ARHGAP26: variants seen among roughly 807,000 people sequenced by gnomAD.
ARHGAP26 encodes rho GTPase-activating protein 26.
ARHGAP26 carries 38 observed loss-of-function variants against 104.8 expected under a neutral mutation model. That is an observed-to-expected ratio of 0.36 (90% CI 0.28 to 0.48). The LOEUF (loss-of-function observed/expected upper bound fraction) is 0.48, where lower values mean the gene tolerates loss of function less well. Ranked by LOEUF, ARHGAP26 falls within the 20% of genes least tolerant of loss-of-function variation. The pLI is 0.99. For missense variants in ARHGAP26, 704 were observed against 947.9 expected, an observed-to-expected ratio of 0.74 and a Z score of 3.38; for synonymous variants, 341 against 340.0, an observed-to-expected ratio of 1.00 and a Z score of -0.03.
At chr5:142,889,636 A>C (rs560169044) in intron 5 of ARHGAP26, among the ~76,000 whole-genome samples, 4 of 152,222 alleles carry the variant, frequency 2.6e-5, no homozygotes, top group Admixed American at 2.0e-4. Context: ...AATAGATAAG[A>C]GTTTAAATTG....
chr5:142,894,156 A>ATTTTTTTTTTTTTTTTTTT, intron 5 of ARHGAP26, 82 bp from the exon 6 acceptor site: 1 of 1,034,080 alleles, frequency 9.7e-7, no homozygotes. Context: ...ATCTCCCGAG[A>ATTTTTTTTTTTTTTTTTTT]TTTTTTTTTT....
chr5:143,047,656 A>T (rs1436379269), intron 14 of ARHGAP26, among the ~76,000 whole-genome samples: 1 of 152,162 alleles, frequency 6.6e-6, no homozygotes, highest in East Asian at 1.9e-4. Context: ...TAACATTTTT[A>T]AATGTATCTT....
chr5:142,844,114 C>T lies in ARHGAP26; in HGVS notation c.155-29286C>T, dbSNP rs185291028. On this transcript the variant is annotated intron_variant, in intron 1 of 22. Transcript: ENST00000645722. ...TTCCCCAGGCTAGAGTGTAGTGGCA[C>T]GATCTCGGCTCACTGCAACCTCCAC... Among the ~76,000 whole-genome samples, 894 of 148,764 alleles carry T rather than the reference C, an allele frequency of 6.0e-3. 6 individuals are homozygous for T. The highest frequency in any genetic ancestry group is 0.017 in the Middle Eastern group (5 of 292).
chr5:143,062,253 A>G (rs1786821294), intron 17 of ARHGAP26, among the ~76,000 whole-genome samples: 1 of 152,222 alleles, frequency 6.6e-6, no homozygotes, highest in Non-Finnish European at 1.5e-5. Context: ...GTGGGAGGTA[A>G]GAGAGGGTAA....
chr5:142,770,548 C>A lies in ARHGAP26; in HGVS notation c.-214C>A. On this transcript the variant is annotated 5_prime_UTR_variant, in exon 1 of 23. Transcript: ENST00000645722. ...CCTGCTCGCGATCCGCTCCGTTGCC[C>A]GCGCCCGGAACAGCAGCACCTCGGC... 4.7e-6 allele frequency: 1 copy of A among 214,228 alleles called. No homozygotes were observed. 13.3% of individuals were successfully genotyped at this position (214,228 alleles called of 1,614,324 possible).
At chr5:143,115,466 G>A (rs554079421) in intron 17 of ARHGAP26, among the ~76,000 whole-genome samples, 4 of 151,620 alleles carry the variant, frequency 2.6e-5, no homozygotes, top group African/African-American at 7.3e-5. Flanking sequence ...ATACAAATAG[G>A]TAGGGTACAG....
chr5:143,052,597 C>G (rs1785203660), intron 14 of ARHGAP26, among the ~76,000 whole-genome samples: 1 of 152,140 alleles, frequency 6.6e-6, no homozygotes, highest in Non-Finnish European at 1.5e-5. Flanking sequence ...CTTTGAGAGC[C>G]ACATGTTTCT....
At chr5:142,777,509 A>G (rs75087664) in intron 1 of ARHGAP26, among the ~76,000 whole-genome samples, 3,614 of 152,350 alleles carry the variant, frequency 0.024, 125 homozygotes, top group African/African-American at 0.069. Flanking sequence ...GTGGAGGAAT[A>G]CTAACCTAGC....
intron 12 of ARHGAP26, among the ~76,000 whole-genome samples, chr5:143,016,880 C>G (rs1053451872): frequency 2.0e-5 from 3 of 152,120 alleles, no homozygotes; most frequent in African/African-American, 7.2e-5. Flanking sequence ...TTAGCTTCCC[C>G]TCCTTGGTGG....
At chr5:143,147,436 C>A in intron 20 of ARHGAP26, 55 bp downstream of exon 20, 1 of 1,568,490 alleles carries the variant, frequency 6.4e-7, no homozygotes, top group South Asian at 1.2e-5. Context: ...GCCATTCCAC[C>A]TAGAATTTGC....
At chr5:143,188,634 G>A (rs1805481625) in intron 20 of ARHGAP26, among the ~76,000 whole-genome samples, 1 of 152,176 alleles carries the variant, frequency 6.6e-6, no homozygotes, top group African/African-American at 2.4e-5. Context: ...GGATGACATT[G>A]TGGAAAGTTT....
At chr5:143,004,379 C>A (rs1777648286) in intron 11 of ARHGAP26, among the ~76,000 whole-genome samples, 2 of 152,218 alleles carry the variant, frequency 1.3e-5, no homozygotes, top group Non-Finnish European at 2.9e-5. Context: ...CTTGACTCAA[C>A]TTCATCCAAA....
In ARHGAP26 at chr5:142,771,512, C is replaced by A. The variant is rs991812861; in HGVS notation, c.154+597C>A. On this transcript the variant is annotated intron_variant, in intron 1 of 22. Coordinates refer to ENST00000645722, the MANE Select transcript of ARHGAP26 (RefSeq NM_001135608.3). ...GTAATCTCTAAATCTGGAATCAGTA[C>A]GTGCGCAGGTTCTGATTCTTGTGTT... 9 of 902,842 alleles carry A rather than the reference C, an allele frequency of 1.0e-5. No homozygotes were observed. The Admixed American group carries it at 2.6e-4, about 26-fold the overall frequency. 55.9% of individuals were successfully genotyped at this position (902,842 alleles called of 1,614,324 possible). A position where few individuals can be genotyped will look rare whatever the true frequency, so the allele number is the denominator to read the frequency against.
At chr5:143,054,348 A>G in intron 14 of ARHGAP26, 91 bp from the exon 15 acceptor site, 1 of 748,546 alleles carries the variant, frequency 1.3e-6, no homozygotes. Flanking sequence ...GCATTTCTCT[A>G]GTTACTAGCA....
intron 11 of ARHGAP26, among the ~76,000 whole-genome samples, chr5:142,973,355 C>G (rs986459979): frequency 9.2e-5 from 14 of 152,280 alleles, no homozygotes; most frequent in Admixed American, 7.8e-4. Context: ...AGCACTGTGA[C>G]AGTAGCGACA....
chr5:143,088,937 A>G (rs1791008029), intron 17 of ARHGAP26, among the ~76,000 whole-genome samples: 2 of 152,232 alleles, frequency 1.3e-5, no homozygotes, highest in Admixed American at 6.5e-5. Flanking sequence ...AATGGGAATG[A>G]GTCAGGGTGG....
intron 11 of ARHGAP26, among the ~76,000 whole-genome samples, chr5:142,941,101 G>A (rs2578588): frequency 0.35 from 31,295 of 88,452 alleles, 5,630 homozygotes; most frequent in East Asian, 0.73. Context: ...AAAAAAAAAA[G>A]AATCTATATT....
At chr5:143,149,857 T>G (rs1474539703) in intron 20 of ARHGAP26, among the ~76,000 whole-genome samples, 2 of 152,220 alleles carry the variant, frequency 1.3e-5, no homozygotes, top group Non-Finnish European at 2.9e-5. Context: ...AAGCTATCTG[T>G]TCTTTTTATT....
intron 17 of ARHGAP26, among the ~76,000 whole-genome samples, chr5:143,076,707 C>T (rs968016236): frequency 2.6e-5 from 4 of 152,080 alleles, no homozygotes; most frequent in African/African-American, 9.7e-5. Flanking sequence ...CAAATATAGA[C>T]GTCTGGTATT....
Sources: allele counts gnomAD v4.1 joint callset (sites outside exome capture counted in the v4.1 genomes callset), GRCh38; gene constraint gnomAD v4.1.1; transcripts MANE v1.5; gene names NCBI Gene and HGNC (gene_info 2026-07-23, HGNC 2026-07-21).